ARHGAP6: variants seen among roughly 807,000 people sequenced by gnomAD.
ARHGAP6 encodes Rho GTPase activating protein 6.
Under a neutral mutation model 55.7 loss-of-function variants are expected in ARHGAP6, and 16 were observed. The ratio of observed to expected loss-of-function variants is 0.29; its 90% CI spans 0.19 to 0.44. The LOEUF is 0.44. Among genes scored for constraint, ARHGAP6 ranks in the 20% least tolerant of loss-of-function variants. The probability of loss-of-function intolerance (pLI) is 1.00; values close to 1 mark genes in which losing one functional copy is unlikely to be tolerated. For missense variants in ARHGAP6, 698 were observed against 808.9 expected (o/e 0.86, Z 1.66); for synonymous variants, 382 against 360.9 (o/e 1.06, Z -0.66).
intron 1 of ARHGAP6, among the ~76,000 whole-genome samples, chrX:11,554,430 G>A (rs752365814): frequency 8.9e-6 from 1 of 111,898 alleles, no homozygotes; most frequent in Admixed American, 9.5e-5. Flanking sequence ...TTTCAAAACT[G>A]CTAGAAGAAA....
intron 1 of ARHGAP6, among the ~76,000 whole-genome samples, chrX:11,265,467 G>A (rs2047611002): frequency 9.0e-6 from 1 of 111,549 alleles, no homozygotes; most frequent in Admixed American, 9.5e-5. Context: ...ATCCTTTCCT[G>A]CTTGAGTTTG....
intron 1 of ARHGAP6, among the ~76,000 whole-genome samples, chrX:11,552,595 T>G (rs867758362): frequency 3.0e-5 from 2 of 66,065 alleles, no homozygotes; most frequent in African/African-American, 6.0e-5. Flanking sequence ...TATATATATA[T>G]ATATAGACAC....
intron 1 of ARHGAP6, among the ~76,000 whole-genome samples, chrX:11,434,386 A>G (rs2049968189): frequency 9.0e-6 from 1 of 111,715 alleles, no homozygotes; most frequent in Non-Finnish European, 1.9e-5. Context: ...GTCTCCACCC[A>G]TCGTTGAAGA....
chrX:11,479,216 T>C (rs1603226597), intron 1 of ARHGAP6, among the ~76,000 whole-genome samples: 1 of 112,183 alleles, frequency 8.9e-6, no homozygotes, highest in African/African-American at 3.2e-5. Flanking sequence ...TCACAGGCCA[T>C]GAGACAAACA....
chrX:11,255,380 C>T (rs1031266125), intron 1 of ARHGAP6, among the ~76,000 whole-genome samples: 13 of 109,533 alleles, frequency 1.2e-4, no homozygotes, highest in African/African-American at 4.0e-4. Flanking sequence ...CATTTTTTAC[C>T]TATCTCATGT....
At chrX:11,468,171 T>TA (rs1208387631) in intron 1 of ARHGAP6, among the ~76,000 whole-genome samples, 14 of 111,430 alleles carry the variant, frequency 1.3e-4, no homozygotes, top group Non-Finnish European at 2.4e-4. Context: ...ATCAGGGTGC[T>TA]AGTTATATGA....
chrX:11,515,542 T>A (rs186529338), intron 1 of ARHGAP6, among the ~76,000 whole-genome samples: 330 of 111,909 alleles, frequency 2.9e-3, no homozygotes, highest in African/African-American at 0.01. Flanking sequence ...TTGGCCAAAT[T>A]TCTGCGCTTG....
At chrX:11,385,253 G>A (rs191698531) in intron 1 of ARHGAP6, among the ~76,000 whole-genome samples, 5 of 111,142 alleles carry the variant, frequency 4.5e-5, no homozygotes, top group East Asian at 5.6e-4. Context: ...CCTTATTTGG[G>A]TCAGTAACCT....
intron 1 of ARHGAP6, among the ~76,000 whole-genome samples, chrX:11,548,032 TA>T (rs112050481): frequency 0.021 from 2,180 of 105,740 alleles, 31 homozygotes; most frequent in Middle Eastern, 0.062. Context: ...TGGAGAGCTG[TA>T]AAAAAAAAAA....
intron 4 of ARHGAP6, among the ~76,000 whole-genome samples, chrX:11,187,612 C>T (rs1047093945): frequency 1.8e-5 from 2 of 111,924 alleles, no homozygotes; most frequent in African/African-American, 6.5e-5. Context: ...TCAGGTCCCC[C>T]TCTACCTTGG....
At chrX:11,280,193 G>T (rs1250434340) in intron 1 of ARHGAP6, among the ~76,000 whole-genome samples, 1 of 111,752 alleles carries the variant, frequency 8.9e-6, no homozygotes, top group South Asian at 3.8e-4. Context: ...ATTCTGAATG[G>T]GACATTTTTT....
chrX:11,176,261 A>T (rs1602783981), intron 8 of ARHGAP6, among the ~76,000 whole-genome samples: 4 of 72,611 alleles, frequency 5.5e-5, no homozygotes, highest in African/African-American at 4.8e-5. Flanking sequence ...ATATATATAT[A>T]TATTTGCATA....
chrX:11,395,876 A>C (rs766173432), intron 1 of ARHGAP6, among the ~76,000 whole-genome samples: 1 of 112,270 alleles, frequency 8.9e-6, no homozygotes, highest in Non-Finnish European at 1.9e-5. Flanking sequence ...TCAAGGTTAA[A>C]GATTGTAAGC....
intron 1 of ARHGAP6, among the ~76,000 whole-genome samples, chrX:11,508,575 T>G (rs949504113): frequency 4.5e-5 from 5 of 110,290 alleles, no homozygotes; most frequent in Non-Finnish European, 9.5e-5. Context: ...TCAACTTGGC[T>G]GGGGTATTCC....
chrX:11,257,600 A>G (rs1041883900), intron 1 of ARHGAP6, among the ~76,000 whole-genome samples: 3 of 112,415 alleles, frequency 2.7e-5, no homozygotes, highest in Non-Finnish European at 5.6e-5. Flanking sequence ...TTATTTACTA[A>G]GTCCTCCTGG....
intron 1 of ARHGAP6, among the ~76,000 whole-genome samples, chrX:11,393,333 C>G (rs1475694819): frequency 9.0e-6 from 1 of 110,860 alleles, no homozygotes; most frequent in South Asian, 3.8e-4. Context: ...GTTCCTCCCC[C>G]TGAAGAAAGC....
chrX:11,337,328 T>A (rs764026253), intron 1 of ARHGAP6, among the ~76,000 whole-genome samples: 1 of 111,867 alleles, frequency 8.9e-6, no homozygotes, highest in Non-Finnish European at 1.9e-5. Context: ...TGTTTCCTTA[T>A]AATGTTAGAG....
chrX:11,605,491 A>C (rs1214324771), intron 1 of ARHGAP6, among the ~76,000 whole-genome samples: 1 of 111,463 alleles, frequency 9.0e-6, no homozygotes, highest in Admixed American at 9.5e-5. Flanking sequence ...GTGGCAGCTA[A>C]CTAGTCTGTG....
At chrX:11,542,507 CAAG>C (rs966097872) in intron 1 of ARHGAP6, among the ~76,000 whole-genome samples, 2 of 110,402 alleles carry the variant, frequency 1.8e-5, no homozygotes, top group Admixed American at 9.6e-5. Context: ...TTTCTGGTGC[CAAG>C]AAAATAAAAA....
Sources: allele counts gnomAD v4.1 joint callset (sites outside exome capture counted in the v4.1 genomes callset), GRCh38; gene constraint gnomAD v4.1.1; transcripts MANE v1.5; gene names NCBI Gene and HGNC (gene_info 2026-07-23, HGNC 2026-07-21).